Variants in PARVB observed in about 807,000 individuals in gnomAD.
PARVB encodes the protein parvin beta.
A neutral mutation model predicts 47.0 loss-of-function variants in PARVB; 46 were observed. That is an observed-to-expected ratio of 0.98 (90% confidence interval 0.77 to 1.25). The LOEUF is 1.25. Among genes scored for constraint, PARVB ranks in the 50% most tolerant of loss-of-function variants. PARVB has a pLI of 0.00. For synonymous variants in PARVB, 196 were observed against 196.3 expected (o/e 1.00, Z 0.01); for missense variants, 473 against 471.6 (o/e 1.00, Z -0.03).
At chr22:44,045,015 G>T (rs545491178) in intron 1 of PARVB, among the ~76,000 whole-genome samples, 1 of 152,274 alleles carries the variant, frequency 6.6e-6, no homozygotes, top group South Asian at 2.1e-4. Flanking sequence ...GAGGCAGGAG[G>T]ATTGCTTGAG....
At chr22:44,072,901 C>T (rs1372488031) in intron 1 of PARVB, among the ~76,000 whole-genome samples, 1 of 152,080 alleles carries the variant, frequency 6.6e-6, no homozygotes, top group Non-Finnish European at 1.5e-5. Context: ...AGGGCAAACT[C>T]CTTCAAGACT....
At chr22:44,166,225 T>C (rs991099271) in intron 12 of PARVB, among the ~76,000 whole-genome samples, 1 of 152,212 alleles carries the variant, frequency 6.6e-6, no homozygotes, top group Non-Finnish European at 1.5e-5. Context: ...CTCTCTTGCC[T>C]CAGCCTCACA....
At chr22:44,047,527 G>T (rs2146931186) in intron 1 of PARVB, among the ~76,000 whole-genome samples, 1 of 152,050 alleles carries the variant, frequency 6.6e-6, no homozygotes, top group East Asian at 1.9e-4. Flanking sequence ...CGGGCATGGT[G>T]GCATGAACCT....
intron 12 of PARVB, among the ~76,000 whole-genome samples, chr22:44,165,768 C>T (rs747893462): frequency 2.6e-5 from 4 of 152,264 alleles, no homozygotes; most frequent in Non-Finnish European, 5.9e-5. Flanking sequence ...GGCAGTGCCA[C>T]CACGTGCTGC....
Position 44,170,495 on chromosome 22 carries a change from A to G in PARVB, c.*1817A>G, listed in dbSNP as rs145754661. The G allele has an allele frequency of 6.6e-3, 1,009 of 152,292 alleles. 7 individuals are homozygous for G. Among genetic ancestry groups the G allele is most frequent in the Middle Eastern group, 0.017 (5 of 294 alleles). The allele number at this position is 152,292 out of a possible 1,614,324, so 9.4% of individuals were successfully genotyped here. On this transcript the variant is annotated 3_prime_UTR_variant, in exon 13 of 13. Transcript: ENST00000338758. The stretch of plus-strand genomic sequence containing the variant: ...TGTACCGGGAGGATATGAAGTGTTC[A>G]TGTTACTCTCCCTGTAGCCCTGAGA...
intron 2 of PARVB, among the ~76,000 whole-genome samples, chr22:44,002,849 G>T (rs1020990044): frequency 1.3e-5 from 2 of 152,146 alleles, no homozygotes; most frequent in African/African-American, 4.8e-5. Flanking sequence ...AGACACACAC[G>T]TCTCGGTGCC....
intron 1 of PARVB, chr22:44,031,226 G>A (rs2050821219): frequency 6.6e-6 from 1 of 152,220 alleles, no homozygotes; most frequent in Non-Finnish European, 1.5e-5. Context: ...CGCTCCTCAG[G>A]GTGGTGAGTG....
chr22:44,122,588 G>GAGAGAGAGAGAGAGAGAGAC (rs2053093748), intron 4 of PARVB, among the ~76,000 whole-genome samples: 1 of 122,438 alleles, frequency 8.2e-6, no homozygotes, highest in Non-Finnish European at 1.9e-5. Flanking sequence ...GAGAGAGAGA[G>GAGAGAGAGAGAGAGAGAGAC]AGAGAGAGAG....
intron 1 of PARVB, among the ~76,000 whole-genome samples, chr22:44,081,220 C>T (rs2051892030): frequency 6.6e-6 from 1 of 152,156 alleles, no homozygotes; most frequent in East Asian, 1.9e-4. Context: ...CAGGTGGGAA[C>T]TGAGCTGCCA....
intron 3 of PARVB, among the ~76,000 whole-genome samples, chr22:44,118,646 A>G (rs1180265464): frequency 6.6e-6 from 1 of 152,204 alleles, no homozygotes; most frequent in Non-Finnish European, 1.5e-5. Flanking sequence ...TGAACACGAG[A>G]TGCTCTGGTC....
In PARVB at chr22:44,168,746, C is replaced by A; in HGVS notation, c.*68C>A. On this transcript the variant is annotated 3_prime_UTR_variant, in exon 13 of 13. Transcript: ENST00000338758. ...GGCGGCATCCGTCTGTGCCCTGTGC[C>A]TTTCCAGGGAGCCAGGCGCCATGGG... The A allele has an allele frequency of 8.8e-7, 1 of 1,130,758 alleles. No homozygotes were observed. Among genetic ancestry groups the A allele is most frequent in the Non-Finnish European group, 1.3e-6 (1 of 742,580 alleles). 70.0% of individuals were successfully genotyped at this position (1,130,758 alleles called of 1,614,324 possible). A position where few individuals can be genotyped will look rare whatever the true frequency, so the allele number is the denominator to read the frequency against.
chr22:44,156,023 G>A (rs1175932831), intron 10 of PARVB, among the ~76,000 whole-genome samples: 7 of 151,978 alleles, frequency 4.6e-5, no homozygotes, highest in South Asian at 2.1e-4. Flanking sequence ...GGTGGCACGC[G>A]CCTGTAATCC....
In PARVB at chr22:44,131,637, A is replaced by T; in HGVS notation, c.517+10A>T. On this transcript the variant is annotated intron_variant, in intron 5 of 12. Coordinates refer to ENST00000338758, the MANE Select transcript of PARVB (RefSeq NM_013327.5). ...CGGTGGAGCGTGGACTGTGAGTTCC[A>T]CGCCACAGGGGGAGGGACTGTCTGG... 6.2e-7 allele frequency: 1 copy of T among 1,606,262 alleles called. No homozygotes were observed. Among genetic ancestry groups the T allele is most frequent in the Non-Finnish European group, 8.5e-7 (1 of 1,176,588 alleles).
intron 10 of PARVB, chr22:44,151,963 T>C (rs867389264): frequency 1.6e-5 from 3 of 193,418 alleles, no homozygotes; most frequent in Admixed American, 1.1e-4. Flanking sequence ...TTCATCTTCA[T>C]GTGGTGTCGT....
rs138361843 is a variant in PARVB, at chr22:44,030,969, C to G, written c.112+6518C>G. Among the ~76,000 whole-genome samples the G allele has an allele frequency of 3.4e-3, 517 of 152,110 alleles. 5 individuals carry two copies. Among genetic ancestry groups the G allele is most frequent in the African/African-American group, 0.012 (480 of 41,498 alleles). ...TTGGGGGATATAGACAGGTGAGGGA[C>G]CAGGGCCATAGTCACTGTGGTTTCT... On this transcript the variant is annotated intron_variant, in intron 1 of 12. Transcript: ENST00000338758.
At chr22:44,006,125 T>C (rs2050462075) in intron 2 of PARVB, among the ~76,000 whole-genome samples, 1 of 152,200 alleles carries the variant, frequency 6.6e-6, no homozygotes, top group Admixed American at 6.5e-5. Context: ...AAGTATTTTT[T>C]ATAGAGGCAG....
chr22:44,151,315 G>T, intron 9 of PARVB, 168 bp from the exon 10 acceptor site: 1 of 588,822 alleles, frequency 1.7e-6, no homozygotes. Context: ...GAAAACTAGG[G>T]GCTACTGTCA....
chr22:44,012,361 T>C (rs4823185), intron 2 of PARVB, among the ~76,000 whole-genome samples: 82,481 of 152,064 alleles, frequency 0.54, 22,750 homozygotes, highest in East Asian at 0.75. Context: ...TCAGTGTAGT[T>C]GGTGATTCAT....
At chr22:44,132,703 A>G (rs1048729868) in intron 5 of PARVB, among the ~76,000 whole-genome samples, 191 bp from the exon 6 acceptor site, 1 of 152,176 alleles carries the variant, frequency 6.6e-6, no homozygotes, top group Non-Finnish European at 1.5e-5. Context: ...GGCCAACAGG[A>G]AAGGAGACAG....
Sources: allele counts gnomAD v4.1 joint callset (sites outside exome capture counted in the v4.1 genomes callset), GRCh38; gene constraint gnomAD v4.1.1; transcripts MANE v1.5; gene names NCBI Gene and HGNC (gene_info 2026-07-23, HGNC 2026-07-21).